TRIO: variants seen among roughly 807,000 people sequenced by gnomAD.
TRIO encodes trio Rho guanine nucleotide exchange factor, also known as triple functional domain protein.
Under a neutral mutation model 351.9 loss-of-function variants are expected in TRIO, and 58 were observed. That is an observed-to-expected ratio of 0.16 (90% CI 0.13 to 0.21). The LOEUF (loss-of-function observed/expected upper bound fraction) is 0.21. Among genes scored for constraint, TRIO ranks in the 10% least tolerant of loss-of-function variants. TRIO has a pLI of 1.00. For missense variants in TRIO, 3,201 were observed against 4,027.8 expected (o/e 0.79, Z 5.56); for synonymous variants, 1,758 against 1,595.7 (o/e 1.10, Z -2.42).
intron 25 of TRIO, among the ~76,000 whole-genome samples, chr5:14,390,007 A>G (rs962772697): frequency 6.6e-6 from 1 of 152,218 alleles, no homozygotes; most frequent in Non-Finnish European, 1.5e-5. Flanking sequence ...TCCGAAGTAT[A>G]TGCTCAGTGA....
chr5:14,471,850 T>G (rs1271494249), intron 38 of TRIO, among the ~76,000 whole-genome samples: 1 of 151,670 alleles, frequency 6.6e-6, no homozygotes, highest in African/African-American at 2.4e-5. Flanking sequence ...TCAATGCCAG[T>G]AAAGCAGCAT....
chr5:14,269,485 G>C (rs1795866508), intron 1 of TRIO, among the ~76,000 whole-genome samples: 1 of 152,214 alleles, frequency 6.6e-6, no homozygotes, highest in Non-Finnish European at 1.5e-5. Context: ...TTTTGATGTA[G>C]ATCTTTAATC....
At chr5:14,190,465 C>T (rs1308530578) in intron 1 of TRIO, among the ~76,000 whole-genome samples, 2 of 152,046 alleles carry the variant, frequency 1.3e-5, no homozygotes, top group African/African-American at 2.4e-5. Context: ...TATGTGTGTG[C>T]GAGATAAGTC....
At chr5:14,243,394 C>T (rs1357524936) in intron 1 of TRIO, among the ~76,000 whole-genome samples, 2 of 152,098 alleles carry the variant, frequency 1.3e-5, no homozygotes, top group Non-Finnish European at 2.9e-5. Context: ...ACCCCTCCTC[C>T]CAATTCAGTT....
intron 2 of TRIO, 22 bp downstream of exon 2, chr5:14,270,921 T>G: frequency 6.4e-7 from 1 of 1,571,364 alleles, no homozygotes; most frequent in East Asian, 2.2e-5. Context: ...CTTTCAACTC[T>G]GCTCTATCCA....
At chr5:14,395,208 A>T (rs565807007) in intron 28 of TRIO, among the ~76,000 whole-genome samples, 1 of 152,350 alleles carries the variant, frequency 6.6e-6, no homozygotes, top group South Asian at 2.1e-4. Flanking sequence ...GGGATTTTTC[A>T]ATTGGAAAAG....
At chr5:14,481,850 T>G in intron 45 of TRIO, 2 of 487,454 alleles carry the variant, frequency 4.1e-6, no homozygotes, top group Middle Eastern at 5.4e-4. Flanking sequence ...CAGTGTCTCA[T>G]GGCAGAAACA....
chr5:14,279,878 C>T (rs937283188), intron 2 of TRIO, among the ~76,000 whole-genome samples: 1 of 152,150 alleles, frequency 6.6e-6, no homozygotes, highest in African/African-American at 2.4e-5. Flanking sequence ...CTTTTGCTTT[C>T]CTTTCAAGAC....
intron 33 of TRIO, among the ~76,000 whole-genome samples, chr5:14,415,917 G>A (rs575932034): frequency 6.6e-6 from 1 of 151,956 alleles, no homozygotes; most frequent in African/African-American, 2.4e-5. Context: ...AAAAAAATCT[G>A]TCTTCTGATA....
intron 33 of TRIO, among the ~76,000 whole-genome samples, chr5:14,408,551 C>G (rs1476541149): frequency 6.6e-6 from 1 of 152,094 alleles, no homozygotes; most frequent in African/African-American, 2.4e-5. Flanking sequence ...CTCCGAGACC[C>G]CACCTATGGC....
chr5:14,381,126 C>T lies in TRIO; in HGVS notation c.3448-4C>T, dbSNP rs374786524. 1.2e-6 allele frequency: 2 copies of T among 1,612,922 alleles called. No individual in the cohort carries two copies. The highest frequency in any genetic ancestry group is 8.5e-7 in the Non-Finnish European group (1 of 1,179,496). ...CTGACTCCATTCATTCCTTCCCCTT[C>T]CAGGCTTTGGAATGGATCCATGACA... On this transcript the variant is annotated splice_region_variant and splice_polypyrimidine_tract_variant and intron_variant, in intron 20 of 56. Transcript: ENST00000344204.
At chr5:14,450,056 C>T (rs1216594652) in intron 34 of TRIO, among the ~76,000 whole-genome samples, 3 of 152,166 alleles carry the variant, frequency 2.0e-5, no homozygotes, top group Non-Finnish European at 4.4e-5. Context: ...TTTTCCAATG[C>T]TTATGTAATG....
chr5:14,367,038 G>C, intron 16 of TRIO, 59 bp downstream of exon 16: 2 of 1,604,042 alleles, frequency 1.2e-6, no homozygotes, highest in Admixed American at 3.4e-5. Flanking sequence ...CAAACATCCT[G>C]AATCCCCCAA....
chr5:14,363,973 C>A, intron 14 of TRIO, 46 bp downstream of exon 14: 1 of 1,562,148 alleles, frequency 6.4e-7, no homozygotes, highest in South Asian at 1.2e-5. Context: ...TTCTTCATGT[C>A]GTCATGGCAA....
At chr5:14,232,213 G>T (rs1457409045) in intron 1 of TRIO, among the ~76,000 whole-genome samples, 1 of 152,120 alleles carries the variant, frequency 6.6e-6, no homozygotes, top group Non-Finnish European at 1.5e-5. Context: ...GCATATTTCT[G>T]CCATATGGGG....
At chr5:14,437,695 GC>G (rs1453149700) in intron 34 of TRIO, among the ~76,000 whole-genome samples, 1 of 103,594 alleles carries the variant, frequency 9.7e-6, no homozygotes, top group Admixed American at 1.1e-4. Context: ...CACCCCCCCC[GC>G]CCCAAGGACC....
intron 8 of TRIO, among the ~76,000 whole-genome samples, chr5:14,313,511 G>A (rs1446512437): frequency 2.0e-5 from 3 of 152,186 alleles, no homozygotes; most frequent in African/African-American, 7.2e-5. Context: ...TGAGGGCTGG[G>A]AACTCATCTT....
chr5:14,206,655 C>T (rs1791480194), intron 1 of TRIO, among the ~76,000 whole-genome samples: 1 of 152,176 alleles, frequency 6.6e-6, no homozygotes, highest in Non-Finnish European at 1.5e-5. Flanking sequence ...TTCGATGGTG[C>T]CTGTGTGTTA....
At chr5:14,302,835 G>A (rs901946630) in intron 7 of TRIO, among the ~76,000 whole-genome samples, 2 of 152,232 alleles carry the variant, frequency 1.3e-5, no homozygotes, top group Non-Finnish European at 2.9e-5. Context: ...GGTTAAAACC[G>A]AGGGAAATGT....
Sources: gnomAD v4.1 joint callset for allele counts (sites outside exome capture counted in the v4.1 genomes callset) on GRCh38, gnomAD v4.1.1 for gene constraint, MANE v1.5 for transcripts, NCBI Gene and HGNC (gene_info 2026-07-23, HGNC 2026-07-21) for gene names.